The following APC variants were observed in gnomAD, a reference collection of about 807,000 sequenced individuals.
The protein encoded by APC is APC regulator of Wnt signaling pathway.
APC carries 72 observed loss-of-function variants against 247.0 expected under a neutral mutation model. That is an observed-to-expected ratio of 0.29 (90% confidence interval 0.24 to 0.35). APC has a LOEUF of 0.35. APC is among the 10% of genes least tolerant of loss of function. The pLI is 1.00. For missense variants in APC, 3,400 were observed against 3,360.7 expected, an observed-to-expected ratio of 1.01 and a Z score of -0.29; for synonymous variants, 1,254 against 1,162.5, an observed-to-expected ratio of 1.08 and a Z score of -1.60.
Position 112,842,420 on chromosome 5 carries a change from C to A in APC, c.6826C>A (p.Pro2276Thr), listed in dbSNP as rs1554087777. 1 of 1,614,068 alleles carries A rather than the reference C, an allele frequency of 6.2e-7. No individual in the cohort carries two copies. Among genetic ancestry groups the A allele is most frequent in the South Asian group, 1.1e-5 (1 of 91,080 alleles). The change falls in exon 16 of 16, where the codon CCA (proline) becomes ACA (threonine). Residue 2276 changes from proline to threonine, a missense_variant. Around this residue, in one of 9 missense-constraint regions of APC, gnomAD observed 1,788 missense variants for 1,649.5 expected, o/e 1.08. Transcript: ENST00000257430. ...TATTSPRGAK[P>T]SVKSELSPVA... The stretch of plus-strand genomic sequence containing the variant: ...CACCACTTCTCCTAGAGGAGCCAAG[C>A]CATCTGTGAAATCAGAATTAAGCCC...
intron 2 of APC, among the ~76,000 whole-genome samples, chr5:112,762,684 G>C (rs1472137397): frequency 6.6e-6 from 1 of 152,200 alleles, no homozygotes; most frequent in Non-Finnish European, 1.5e-5. Context: ...TTACCTCTAG[G>C]AAATGAAGAT....
At chr5:112,719,547 T>C (rs939824228) in intron 1 of APC, among the ~76,000 whole-genome samples, 1 of 151,146 alleles carries the variant, frequency 6.6e-6, no homozygotes, top group African/African-American at 2.4e-5. Context: ...AATTCTTTTT[T>C]TTTTTTTTTG....
upstream of APC, among the ~76,000 whole-genome samples, chr5:112,733,082 C>T (rs1207710994): frequency 2.0e-5 from 3 of 152,196 alleles, no homozygotes; most frequent in Non-Finnish European, 4.4e-5. Flanking sequence ...CTTCAATCTC[C>T]ATATGCTGGA....
intron 1 of APC, among the ~76,000 whole-genome samples, chr5:112,725,398 T>C (rs1751720159): frequency 6.6e-6 from 1 of 152,182 alleles, no homozygotes; most frequent in East Asian, 1.9e-4. Context: ...CTGTTGTTTC[T>C]TGAGTGTTCA....
intron 8 of APC, among the ~76,000 whole-genome samples, chr5:112,809,013 A>G (rs1761708159): frequency 6.6e-6 from 1 of 152,130 alleles, no homozygotes; most frequent in South Asian, 2.1e-4. Context: ...CTAGTTTTGG[A>G]AAAATGTTAA....
intron 2 of APC, among the ~76,000 whole-genome samples, chr5:112,762,228 CCAAATGTGGAGCATTGGAATGCT>C (rs1468552566): frequency 6.6e-6 from 1 of 152,150 alleles, no homozygotes; most frequent in African/African-American, 2.4e-5. Context: ...ACTGATCACA[CCAAATGTGGAGCATTGGAATGCT>C]CAGGCATTGC....
At chr5:112,828,459 A>T (rs1302893620) in intron 13 of APC, among the ~76,000 whole-genome samples, 3 of 23,256 alleles carry the variant, frequency 1.3e-4, no homozygotes, top group Admixed American at 6.4e-4. Flanking sequence ...GAGGAATTTA[A>T]AAAAAAAAAA....
intron 1 of APC, among the ~76,000 whole-genome samples, chr5:112,714,223 G>A (rs1751028122): frequency 6.6e-6 from 1 of 152,170 alleles, no homozygotes; most frequent in Non-Finnish European, 1.5e-5. Flanking sequence ...CAGTGACTGC[G>A]AGGTACTACT....
chr5:112,795,045 GAGAC>G (rs1363036097), intron 7 of APC, among the ~76,000 whole-genome samples: 1 of 152,104 alleles, frequency 6.6e-6, no homozygotes, highest in Non-Finnish European at 1.5e-5. Flanking sequence ...GTTTTTGTTT[GAGAC>G]AGAGTCTCGC....
Position 112,767,288 on chromosome 5 carries a change from C to T in APC, c.320C>T (p.Ser107Phe). The change falls in exon 4 of 16, where the codon TCT becomes TTT. Residue 107 changes from serine to phenylalanine, a missense_variant. Physicochemically the swap from Ser to Phe is radical, Grantham distance 155. Around this residue, in one of 9 missense-constraint regions of APC, gnomAD observed 372 missense variants for 367.6 expected, o/e 1.01. Coordinates refer to ENST00000257430, the MANE Select transcript of APC (RefSeq NM_000038.6). ...CGGGAAGGATCTGTATCAAGCCGTTCTGGAGAGTGCAGTCCTGTTCCTATG... is the reference window on the plus strand; with the variant it reads ...CGGGAAGGATCTGTATCAAGCCGTTTTGGAGAGTGCAGTCCTGTTCCTATG... ...GSREGSVSSR[S>F]GECSPVPMGS... 6.2e-7 allele frequency: 1 copy of T among 1,614,132 alleles called. No individual in the cohort carries two copies. Among genetic ancestry groups the T allele is most frequent in the South Asian group, 1.1e-5 (1 of 91,090 alleles).
At chr5:112,826,490 T>C (rs1263248662) in intron 11 of APC, among the ~76,000 whole-genome samples, 1 of 151,658 alleles carries the variant, frequency 6.6e-6, no homozygotes, top group East Asian at 1.9e-4. Flanking sequence ...GTATAGTTAA[T>C]ATTTGATATT....
chr5:112,821,120 C>T (rs1345209959), intron 10 of APC, among the ~76,000 whole-genome samples: 1 of 150,314 alleles, frequency 6.7e-6, no homozygotes, highest in African/African-American at 2.5e-5. Context: ...CTGCTCACTT[C>T]AGCCTCCCAA....
In APC at chr5:112,828,882, G is replaced by A; in HGVS notation, c.1653G>A (p.Leu551=). ...QQVIASVLRN[L]SWRADVNSKK... ...TTATTGCGAGTGTTTTGAGGAATTT[G>A]TCTTGGCGAGCAGATGTAAATAGTA... Residue 551 remains leucine (L), a synonymous_variant, in exon 14 of 16, where the codon TTG becomes TTA. Coordinates refer to ENST00000257430, the MANE Select transcript of APC (RefSeq NM_000038.6). 6.2e-7 allele frequency: 1 copy of A among 1,613,718 alleles called. No homozygotes were observed. Among genetic ancestry groups the A allele is most frequent in the Non-Finnish European group, 8.5e-7 (1 of 1,179,678 alleles).
At chr5:112,755,106 T>C (rs1023951981) in intron 2 of APC, 81 bp downstream of exon 2, 4 of 1,578,354 alleles carry the variant, frequency 2.5e-6, no homozygotes, top group Non-Finnish European at 3.5e-6. Context: ...TAAGACACTT[T>C]ACTTAAAAGT....
chr5:112,828,703 C>T (rs1443634764), intron 13 of APC, among the ~76,000 whole-genome samples, 153 bp from the exon 14 acceptor site: 2 of 152,108 alleles, frequency 1.3e-5, no homozygotes, highest in Non-Finnish European at 2.9e-5. Flanking sequence ...CCTGCCTCAG[C>T]CTCCCAAAGT....
intron 1 of APC, among the ~76,000 whole-genome samples, chr5:112,708,878 A>G (rs1750687742): frequency 6.6e-6 from 1 of 152,208 alleles, no homozygotes; most frequent in African/African-American, 2.4e-5. Flanking sequence ...GAGCAAGGGT[A>G]GTCAGAATTA....
intron 8 of APC, among the ~76,000 whole-genome samples, chr5:112,802,133 T>C (rs1760896817): frequency 1.3e-5 from 2 of 152,136 alleles, no homozygotes; most frequent in Admixed American, 1.3e-4. Context: ...TTCTTAAAGG[T>C]AATTTTTCTA....
Position 112,722,094 on chromosome 5 carries a change from A to G in APC, c.165+14212A>G, listed in dbSNP as rs1273446819. On this transcript the variant is annotated intron_variant, in intron 1 of 13. Coordinates refer to the APC transcript ENST00000507379. ...AGAAAGCGGCACAGAAAGTGGTGTC[A>G]TCTGATTTCAACTAAGATAAATCGG... is the stretch of plus-strand genomic sequence containing the variant. 3.9e-5 allele frequency among the ~76,000 whole-genome samples: 6 copies of G among 152,208 alleles called. No individual in the cohort carries two copies. In the South Asian group the frequency reaches 1.2e-3, roughly 32 times the overall value.
intron 1 of APC, chr5:112,738,305 C>A (rs1485371411): frequency 1.0e-6 from 1 of 985,466 alleles, no homozygotes; most frequent in Middle Eastern, 5.2e-4. Context: ...TGGCGAGGAG[C>A]AAAAGCTCTA....
Sources: allele counts gnomAD v4.1 joint callset (sites outside exome capture counted in the v4.1 genomes callset), GRCh38; gene constraint gnomAD v4.1.1; regional missense constraint gnomAD v4.1.1; transcripts MANE v1.5; gene names NCBI Gene and HGNC (gene_info 2026-07-23, HGNC 2026-07-21).